MTMR3: variants seen among roughly 807,000 people sequenced by gnomAD.
MTMR3 encodes myotubularin related protein 3.
MTMR3 carries 32 observed loss-of-function variants against 132.4 expected under a neutral mutation model. The observed-to-expected ratio is 0.24, with a 90% CI of 0.18 to 0.32. The LOEUF (loss-of-function observed/expected upper bound fraction) is 0.32. MTMR3 is among the 10% of genes least tolerant of loss of function. The pLI is 1.00. For missense variants in MTMR3, 1,216 were observed against 1,489.6 expected (o/e 0.82, Z 3.02); for synonymous variants, 556 against 550.3 (o/e 1.01, Z -0.14).
chr22:29,950,944 A>C (rs1449753671), intron 1 of MTMR3, among the ~76,000 whole-genome samples: 2 of 147,734 alleles, frequency 1.4e-5, no homozygotes, highest in African/African-American at 4.9e-5. Context: ...CGAGGTCAAG[A>C]GATGGAGACC....
At position 29,889,895 on chromosome 22, in the gene MTMR3, T is replaced by C. The variant is rs116200438; in HGVS notation, c.-138+6536T>C. 8.1e-3 allele frequency among the ~76,000 whole-genome samples: 1,137 copies of C among 140,832 alleles called. 17 individuals are homozygous for C. The highest frequency in any genetic ancestry group is 0.029 in the African/African-American group (1,100 of 38,546). 92.4% of individuals were successfully genotyped at this position (140,832 alleles called of 152,430 possible). On this transcript the variant is annotated intron_variant, in intron 1 of 19. Transcript: ENST00000401950. ...ATTGTTCTATTATTTTATTATTTCC[T>C]TAGGATAAATTCTTTTTTTTTTTTT...
chr22:30,013,284 G>T (rs1345409509), intron 13 of MTMR3, 72 bp from the exon 14 acceptor site: 1 of 1,515,286 alleles, frequency 6.6e-7, no homozygotes, highest in East Asian at 2.3e-5. Flanking sequence ...TGCTTTCTGT[G>T]ACACCAGGCT....
Position 29,970,963 on chromosome 22 carries a change from C to A in MTMR3, c.-84-13C>A. 1 of 786,896 alleles carries A rather than the reference C, an allele frequency of 1.3e-6. No individual in the cohort carries two copies. Among genetic ancestry groups the A allele is most frequent in the Non-Finnish European group, 1.8e-6 (1 of 547,696 alleles). The allele number at this position is 786,896 out of a possible 1,614,324, so 48.7% of individuals were successfully genotyped here. A position where few individuals can be genotyped will look rare whatever the true frequency, so the allele number is the denominator to read the frequency against. The stretch of plus-strand genomic sequence containing the variant: ...TTTTTTTTCTTCTTCCCCCTCTTCC[C>A]CCCCACCCCCAGACTTCACCATAAG... On this transcript the variant is annotated splice_polypyrimidine_tract_variant and intron_variant, in intron 2 of 19. Coordinates refer to ENST00000401950, the MANE Select transcript of MTMR3 (RefSeq NM_021090.4).
intron 1 of MTMR3, among the ~76,000 whole-genome samples, chr22:29,901,201 C>T (rs2064997533): frequency 6.6e-6 from 1 of 151,698 alleles, no homozygotes; most frequent in Non-Finnish European, 1.5e-5. Flanking sequence ...GGGCTTTATT[C>T]CCTTAATTTT....
In MTMR3 at chr22:30,030,647, G is replaced by GGTGGGT. The variant is rs1555928371; in HGVS notation, c.*4848_*4849insGGGTGT. 1.3e-5 allele frequency: 1 copy of GGTGGGT among 76,358 alleles called. No individual in the cohort carries two copies. The highest frequency in any genetic ancestry group is 2.6e-5 in the Non-Finnish European group (1 of 38,518). 4.7% of individuals were successfully genotyped at this position (76,358 alleles called of 1,614,324 possible). ...CTCAGCGAGGAGGGGGCGGGGGGGG[G>GGTGGGT]GTCACTATTTATCTTCCAGAGGCAG... is the stretch of plus-strand genomic sequence containing the variant. On this transcript the variant is annotated 3_prime_UTR_variant, in exon 20 of 20. Transcript: ENST00000401950.
At position 30,005,963 on chromosome 22, in the gene MTMR3, C is replaced by T. The variant is rs2067265930; in HGVS notation, c.672-1151C>T. 3 of 152,236 alleles carry T rather than the reference C, an allele frequency of 2.0e-5. 1 individual carries two copies. The highest frequency in any genetic ancestry group is 4.1e-4 in the South Asian group (2 of 4,834). The allele number at this position is 152,236 out of a possible 1,614,324, so 9.4% of individuals were successfully genotyped here. A position where few individuals can be genotyped will look rare whatever the true frequency, so the allele number is the denominator to read the frequency against. On this transcript the variant is annotated intron_variant, in intron 9 of 19. Coordinates refer to ENST00000401950, the MANE Select transcript of MTMR3 (RefSeq NM_021090.4). Reference sequence around the variant, plus strand: ...AGTAACTACGAGTTTATAATAGTCACTACATGCAGAAATCTACTTCCATCT... The same window carrying T: ...AGTAACTACGAGTTTATAATAGTCATTACATGCAGAAATCTACTTCCATCT...
chr22:29,994,578 C>T (rs1387183674), intron 7 of MTMR3: 1 of 152,088 alleles, frequency 6.6e-6, no homozygotes, highest in Middle Eastern at 3.2e-3. Flanking sequence ...AAAGTCATGC[C>T]TTTTTATAAT....
intron 1 of MTMR3, among the ~76,000 whole-genome samples, chr22:29,887,631 A>T (rs1168165278): frequency 6.6e-6 from 1 of 152,192 alleles, no homozygotes; most frequent in Non-Finnish European, 1.5e-5. Flanking sequence ...GGAACCTGGG[A>T]TGTCTCACAT....
intron 1 of MTMR3, among the ~76,000 whole-genome samples, chr22:29,895,162 C>G (rs1336349963): frequency 1.3e-5 from 2 of 152,020 alleles, no homozygotes; most frequent in East Asian, 3.9e-4. Context: ...GAGCTGAGAT[C>G]GTGCCACTGC....
intron 1 of MTMR3, among the ~76,000 whole-genome samples, chr22:29,949,884 A>G (rs970825567): frequency 1.3e-5 from 2 of 152,206 alleles, no homozygotes; most frequent in Non-Finnish European, 2.9e-5. Flanking sequence ...CCAAGGAAGT[A>G]TGAATTTCTA....
intron 2 of MTMR3, among the ~76,000 whole-genome samples, chr22:29,967,387 A>G (rs574611153): frequency 2.7e-5 from 4 of 150,406 alleles, no homozygotes; most frequent in Admixed American, 2.0e-4. Context: ...ACAGGTGTGC[A>G]CAACCACCTA....
chr22:29,939,415 T>C (rs2065812299), intron 1 of MTMR3, among the ~76,000 whole-genome samples: 1 of 152,244 alleles, frequency 6.6e-6, no homozygotes, highest in Admixed American at 6.5e-5. Context: ...TTCAAATTAA[T>C]CCTGAGTTGT....
intron 1 of MTMR3, among the ~76,000 whole-genome samples, chr22:29,926,695 A>C (rs956600174): frequency 1.3e-5 from 2 of 152,080 alleles, no homozygotes; most frequent in Non-Finnish European, 2.9e-5. Context: ...TCTTTGGAAA[A>C]ATGTTTATTT....
At chr22:29,985,302 C>T (rs544508829) in intron 5 of MTMR3, 1 of 152,086 alleles carries the variant, frequency 6.6e-6, no homozygotes, top group Non-Finnish European at 1.5e-5. Context: ...GGGTTCGATA[C>T]CAACCTGGAC....
chr22:29,904,774 A>G (rs2065063987), intron 1 of MTMR3, among the ~76,000 whole-genome samples: 1 of 152,156 alleles, frequency 6.6e-6, no homozygotes, highest in South Asian at 2.1e-4. Flanking sequence ...AGGGGAGTTG[A>G]TTTTAGCAGG....
At chr22:29,977,090 A>G (rs550763114) in intron 3 of MTMR3, among the ~76,000 whole-genome samples, 1 of 152,250 alleles carries the variant, frequency 6.6e-6, no homozygotes, top group East Asian at 1.9e-4. Context: ...CAGGAGTTTG[A>G]AACCAACCTG....
In MTMR3 at chr22:30,017,936, C is replaced by A; in HGVS notation, c.1684C>A (p.Pro562Thr). ...CCTCCCCCCTCCTCAGGTGCTGTACCCTGTGTGCCATGTGCGTAACCTGAT... is the reference window on the plus strand; with the variant it reads ...CCTCCCCCCTCCTCAGGTGCTGTACACTGTGTGCCATGTGCGTAACCTGAT... ...YSSQSEAVLYPVCHVRNLMLW... is the reference protein window; with the variant it reads ...YSSQSEAVLYTVCHVRNLMLW... The change falls in exon 16 of 20, where the codon CCT becomes ACT. Residue 562 changes from proline (P) to threonine (T), a missense_variant. Physicochemically the swap from Pro to Thr is conservative, Grantham distance 38. This residue lies in a region of MTMR3 where 852 missense variants were observed against 852.0 expected (regional missense o/e 1.00). Coordinates refer to ENST00000401950, the MANE Select transcript of MTMR3 (RefSeq NM_021090.4). The A allele has an allele frequency of 6.2e-7, 1 of 1,613,456 alleles. No homozygotes were observed. Among genetic ancestry groups the A allele is most frequent in the Middle Eastern group, 1.6e-4 (1 of 6,062 alleles).
intron 16 of MTMR3, chr22:30,018,275 C>T (rs1472239268): frequency 1.8e-6 from 1 of 550,688 alleles, no homozygotes; most frequent in African/African-American, 2.0e-5. Flanking sequence ...GAGTTAGGCC[C>T]TGTTGCTTCA....
chr22:30,022,809 G>A (rs926247352), intron 19 of MTMR3, 112 bp downstream of exon 19: 2 of 947,624 alleles, frequency 2.1e-6, no homozygotes, highest in Non-Finnish European at 3.2e-6. Context: ...CTGAGGCAGA[G>A]CCATGGTCTC....
Sources: allele counts gnomAD v4.1 joint callset (sites outside exome capture counted in the v4.1 genomes callset), GRCh38; gene constraint gnomAD v4.1.1; regional missense constraint gnomAD v4.1.1; transcripts MANE v1.5; gene names NCBI Gene and HGNC (gene_info 2026-07-23, HGNC 2026-07-21).